COL7A1: variants seen among roughly 807,000 people sequenced by gnomAD.
COL7A1 encodes collagen alpha-1(VII) chain.
In COL7A1, 296 loss-of-function variants were observed where a neutral mutation model predicts 456.2. The observed-to-expected ratio is 0.65, with a 90% CI of 0.59 to 0.71. The LOEUF is 0.71. Among genes scored for constraint, COL7A1 ranks in the 30% least tolerant of loss-of-function variants. COL7A1 has a pLI of 0.00. For synonymous variants in COL7A1, 1,464 were observed against 1,525.9 expected (o/e 0.96, Z 0.95); for missense variants, 3,441 against 4,017.2 (o/e 0.86, Z 3.88).
In COL7A1 at chr3:48,579,252, T is replaced by G; in HGVS notation, c.5333A>C (p.Asp1778Ala). 1 of 1,613,906 alleles carries G rather than the reference T, an allele frequency of 6.2e-7. No homozygotes were observed. The highest frequency in any genetic ancestry group is 1.6e-4 in the Middle Eastern group (1 of 6,062). Reference protein sequence around the residue: ...EKGDRGPPGLDGRSGLDGKPG... With the variant: ...EKGDRGPPGLAGRSGLDGKPG... ...TTTCCCATCCAGTCCGCTCCGGCCA[T>G]CCAGCCCAGGGGGACCCCGGTCACC... The change falls in exon 62 of 119, where the codon GAT (aspartate) becomes GCT (alanine). Residue 1778 changes from aspartate to alanine, a missense_variant. Physicochemically the swap from Asp to Ala is moderately radical, Grantham distance 126 (BLOSUM62 -2). Transcript: ENST00000681320. This position sits in a 1 kb window ranked among gnomAD's most constrained non-coding sequence, Gnocchi z 4.4.
Position 48,594,587 on chromosome 3 carries a change from G to A in COL7A1, c.86-39C>T, listed in dbSNP as rs186298922. Reference sequence around the variant, plus strand: ...GAGAGATCAGGGCCTCTTCTGGGAGGCCAACCACCCGCCTACCCGCACGGT... The same window carrying A: ...GAGAGATCAGGGCCTCTTCTGGGAGACCAACCACCCGCCTACCCGCACGGT... On this transcript the variant is annotated intron_variant, in intron 2 of 118. Transcript: ENST00000681320. The surrounding 1 kb of genome is among the most constrained non-coding windows in gnomAD (Gnocchi z 5.5). 1.3e-5 allele frequency: 20 copies of A among 1,544,286 alleles called. No individual in the cohort carries two copies. The African/African-American group carries it at 2.5e-4, about 19-fold the overall frequency.
rs923284415 is a variant in COL7A1 at position 48,595,084 on chromosome 3, T to C, written c.76A>G (p.Arg26Gly). ...CCCTTGCGGTGCCCACCTCTCTCCC[T>C]GTGCTGGGCTCGCACTCGGGGCGCC... ...AEAPRVRAQH[R>G]ERVTCTRLYA... Residue 26 changes from arginine to glycine, a missense_variant, in exon 2 of 119, where the codon AGG (arginine) becomes GGG (glycine). Around this residue, in one of 3 missense-constraint regions of COL7A1, gnomAD observed 913 missense variants for 1,088.2 expected, o/e 0.84. Transcript: ENST00000681320. 1.3e-6 allele frequency: 2 copies of C among 1,551,184 alleles called. No homozygotes were observed. Among genetic ancestry groups the C allele is most frequent in the Non-Finnish European group, 1.7e-6 (2 of 1,147,568 alleles).
rs1333721270 is a variant in COL7A1 at position 48,574,948 on chromosome 3, G to A, written c.6280-83C>T. ...ATCACAGATCTCAGGATCACAGAGG[G>A]TTATAGGGTCAGAAATTCCAGGGTT... On this transcript the variant is annotated intron_variant, in intron 76 of 118. Transcript: ENST00000681320. This position sits in a 1 kb window ranked among gnomAD's most constrained non-coding sequence, Gnocchi z 5.0. The A allele has an allele frequency of 1.1e-5, 17 of 1,584,700 alleles. No homozygotes were observed. Among genetic ancestry groups the A allele is most frequent in the Admixed American group, 1.7e-5 (1 of 58,676 alleles).
Position 48,574,103 on chromosome 3 carries a change from G to GCACACACAGA in COL7A1, c.6501+149_6501+158dup, listed in dbSNP as rs957000105. On this transcript the variant is annotated intron_variant, in intron 80 of 118. Coordinates refer to ENST00000681320, the MANE Select transcript of COL7A1 (RefSeq NM_000094.4). The surrounding 1 kb of genome is among the most constrained non-coding windows in gnomAD (Gnocchi z 5.0). ...CACACACAGACACAGGCACACACAG[G>GCACACACAGA]CACACACAGACACAGGCACACACAA... is the stretch of plus-strand genomic sequence containing the variant. Among the ~76,000 whole-genome samples the GCACACACAGA allele has an allele frequency of 6.6e-6, 1 of 150,934 alleles. No individual in the cohort carries two copies. The highest frequency in any genetic ancestry group is 6.6e-5 in the Admixed American group (1 of 15,154).
In COL7A1 at chr3:48,571,248, A is replaced by C; in HGVS notation, c.7099T>G (p.Phe2367Val). The C allele has an allele frequency of 6.2e-7, 1 of 1,614,128 alleles. No homozygotes were observed. The highest frequency in any genetic ancestry group is 1.7e-5 in the Admixed American group (1 of 60,022). ...ACCCTTCTGGGTACACATACCTTGA[A>C]ACCTTTGGGTCCTGGAGCCCCTTTC... is the stretch of plus-strand genomic sequence containing the variant. ...GQKGAPGPKG[F>V]KGDPGVGVPG... The change falls in exon 93 of 119, where the codon TTC becomes GTC. Residue 2367 changes from phenylalanine to valine, a missense_variant. Physicochemically the swap from Phe to Val is conservative, Grantham distance 50 (BLOSUM62 -1). This residue lies in a region of COL7A1 where 2,084 missense variants were observed against 2,501.3 expected (regional missense o/e 0.83). Coordinates refer to ENST00000681320, the MANE Select transcript of COL7A1 (RefSeq NM_000094.4). The surrounding 1 kb of genome is among the most constrained non-coding windows in gnomAD (Gnocchi z 4.6).
chr3:48,588,118 C>G lies in COL7A1; in HGVS notation c.2710+164G>C, dbSNP rs2045414624. Among the ~76,000 whole-genome samples, 2 of 152,176 alleles carry G rather than the reference C, an allele frequency of 1.3e-5. No individual in the cohort carries two copies. Among genetic ancestry groups the G allele is most frequent in the Admixed American group, 6.5e-5 (1 of 15,288 alleles). ...CTGCCAGACTGACCCTCCATGAACT[C>G]ATTGATCCCACCCACTTCATTGATT... On this transcript the variant is annotated intron_variant, in intron 21 of 118. Transcript: ENST00000681320. This position sits in a 1 kb window ranked among gnomAD's most constrained non-coding sequence, Gnocchi z 4.6.
chr3:48,578,908 C>T lies in COL7A1; in HGVS notation c.5424+11G>A. ...CGAGCCCCCTCTGTCCCAGCATCTC[C>T]CCTCACTTACGTCTCTCCCTGGGTC... On this transcript the variant is annotated intron_variant, in intron 63 of 118. Transcript: ENST00000681320. The surrounding 1 kb of genome is among the most constrained non-coding windows in gnomAD (Gnocchi z 4.7). The T allele has an allele frequency of 6.2e-7, 1 of 1,613,540 alleles. No individual in the cohort carries two copies. Among genetic ancestry groups the T allele is most frequent in the Non-Finnish European group, 8.5e-7 (1 of 1,179,798 alleles).
Position 48,573,621 on chromosome 3 carries a change from A to T in COL7A1, c.6574-64T>A. On this transcript the variant is annotated intron_variant, in intron 82 of 118. Transcript: ENST00000681320. This position sits in a 1 kb window ranked among gnomAD's most constrained non-coding sequence, Gnocchi z 5.5. ...GATTAACACAGAGAAGGCCTGGCTC[A>T]TCAGCTGTGGCCAATGCCTATCCCA... 6.2e-7 allele frequency: 1 copy of T among 1,613,562 alleles called. No individual in the cohort carries two copies. The highest frequency in any genetic ancestry group is 8.5e-7 in the Non-Finnish European group (1 of 1,179,668).
In COL7A1 at chr3:48,590,417, C is replaced by G; in HGVS notation, c.1906+42G>C. ...CTGTCCCCTCTGGCACCCATACCCT[C>G]ATTGGTCCCTTTGGCAGTCCCCCCA... On this transcript the variant is annotated intron_variant, in intron 15 of 118. Transcript: ENST00000681320. This position sits in a 1 kb window ranked among gnomAD's most constrained non-coding sequence, Gnocchi z 4.6. The G allele has an allele frequency of 6.2e-7, 1 of 1,614,126 alleles. No homozygotes were observed. Among genetic ancestry groups the G allele is most frequent in the Non-Finnish European group, 8.5e-7 (1 of 1,180,016 alleles).
At position 48,579,916 on chromosome 3, in the gene COL7A1, T is replaced by C. The variant is rs1034182957; in HGVS notation, c.5125-102A>G. ...AGGGGCTCCAGGGATCCGCGGAGGT[T>C]TCAGAGGGACAGTGGGGGAAGTGGG... is the stretch of plus-strand genomic sequence containing the variant. On this transcript the variant is annotated intron_variant, in intron 57 of 118. Transcript: ENST00000681320. This position sits in a 1 kb window ranked among gnomAD's most constrained non-coding sequence, Gnocchi z 4.4. 2 of 1,607,944 alleles carry C rather than the reference T, an allele frequency of 1.2e-6. No individual in the cohort carries two copies. The highest frequency in any genetic ancestry group is 8.5e-7 in the Non-Finnish European group (1 of 1,174,712).
Position 48,592,565 on chromosome 3 carries a change from C to G in COL7A1, c.976+5G>C. On this transcript the variant is annotated splice_donor_5th_base_variant and intron_variant, in intron 8 of 118. Coordinates refer to ENST00000681320, the MANE Select transcript of COL7A1 (RefSeq NM_000094.4). This position sits in a 1 kb window ranked among gnomAD's most constrained non-coding sequence, Gnocchi z 7.6. ...ATGGGGTCAGAGGCTGGCAGAATTG[C>G]TCACTGGTCCGAGCTGTCCCGCTCA... 2 of 1,613,894 alleles carry G rather than the reference C, an allele frequency of 1.2e-6. No individual in the cohort carries two copies.
chr3:48,564,445 GGTC>G lies in COL7A1; in HGVS notation c.8819-26_8819-24del. ...TACCTGGTGAGGACAGGTTGGAAAC[GGTC>G]GTCAGCCATCTGACCTTCCCCGGAG... On this transcript the variant is annotated intron_variant, in intron 118 of 118. Transcript: ENST00000681320. The surrounding 1 kb of genome is among the most constrained non-coding windows in gnomAD (Gnocchi z 6.0). 1 of 1,613,796 alleles carries G rather than the reference GGTC, an allele frequency of 6.2e-7. No individual in the cohort carries two copies. Among genetic ancestry groups the G allele is most frequent in the Admixed American group, 1.7e-5 (1 of 60,014 alleles).
chr3:48,575,357 T>C lies in COL7A1; in HGVS notation c.6162A>G (p.Ala2054=). Residue 2054 remains alanine (A), a synonymous_variant, in exon 74 of 119, where the codon GCA becomes GCG. Coordinates refer to ENST00000681320, the MANE Select transcript of COL7A1 (RefSeq NM_000094.4). This position sits in a 1 kb window ranked among gnomAD's most constrained non-coding sequence, Gnocchi z 6.3. ...LPGRAGGVGE[A]GRPGERGERG... is the part of the protein sequence containing the mutation. ...GCCTCACCCTCTCTCCTGGCCTTCC[T>C]GCCTCTCCCACACCCCCAGCCCTGC... 7.1e-7 allele frequency: 1 copy of C among 1,415,886 alleles called. No homozygotes were observed. Among genetic ancestry groups the C allele is most frequent in the Non-Finnish European group, 9.5e-7 (1 of 1,055,782 alleles). The allele number at this position is 1,415,886 out of a possible 1,614,324, so 87.7% of individuals were successfully genotyped here.
At position 48,591,947 on chromosome 3, in the gene COL7A1, G is replaced by A. The variant is rs2107789972; in HGVS notation, c.1308C>T (p.Asn436=). Residue 436 remains asparagine (N), a synonymous_variant, in exon 11 of 119, where the codon AAC becomes AAT. Transcript: ENST00000681320. This position sits in a 1 kb window ranked among gnomAD's most constrained non-coding sequence, Gnocchi z 7.0. ...GGTAGCCACGGGCCTCAGGCACCAA[G>A]TTCCAGGAAAGGAGGATGGATGTGG... is the stretch of plus-strand genomic sequence containing the variant. ...LGPTSILLSW[N]LVPEARGYRL... 1 of 1,614,222 alleles carries A rather than the reference G, an allele frequency of 6.2e-7. No homozygotes were observed. The highest frequency in any genetic ancestry group is 2.2e-5 in the East Asian group (1 of 44,882).
Position 48,587,603 on chromosome 3 carries a change from C to A in COL7A1, c.2858-49G>T, listed in dbSNP as rs1442705129. 1 of 1,612,884 alleles carries A rather than the reference C, an allele frequency of 6.2e-7. No individual in the cohort carries two copies. The highest frequency in any genetic ancestry group is 8.5e-7 in the Non-Finnish European group (1 of 1,179,792). ...GGATCAGAGGCTGAGTCCTGAGAAC[C>A]CAGAAGGGAGAGATCTGAGATCCTG... is the stretch of plus-strand genomic sequence containing the variant. On this transcript the variant is annotated intron_variant, in intron 22 of 118. Coordinates refer to ENST00000681320, the MANE Select transcript of COL7A1 (RefSeq NM_000094.4). This position sits in a 1 kb window ranked among gnomAD's most constrained non-coding sequence, Gnocchi z 6.1.
Position 48,575,076 on chromosome 3 carries a change from G to A in COL7A1, c.6267C>T (p.Pro2089=). Residue 2089 remains proline (P), a synonymous_variant, in exon 76 of 119, where the codon CCC becomes CCT. Coordinates refer to ENST00000681320, the MANE Select transcript of COL7A1 (RefSeq NM_000094.4). The surrounding 1 kb of genome is among the most constrained non-coding windows in gnomAD (Gnocchi z 6.3). ...ATGGGGTGATCACCTTGGGGCCAGG[G>A]GGTCCGGGGGGCCCAGGGGTTCCAG... is the stretch of plus-strand genomic sequence containing the variant. ...GLPGTPGPPG[P]PGPKVSVDEP... The A allele has an allele frequency of 6.2e-7, 1 of 1,613,578 alleles. No homozygotes were observed. The highest frequency in any genetic ancestry group is 8.5e-7 in the Non-Finnish European group (1 of 1,179,680).
Position 48,571,908 on chromosome 3 carries a change from G to GCACA in COL7A1, c.7068+92_7068+93insTGTG. The GCACA allele has an allele frequency of 6.8e-7, 1 of 1,473,324 alleles. No homozygotes were observed. Among genetic ancestry groups the GCACA allele is most frequent in the Non-Finnish European group, 9.3e-7 (1 of 1,071,802 alleles). 91.3% of individuals were successfully genotyped at this position (1,473,324 alleles called of 1,614,324 possible). A position where few individuals can be genotyped will look rare whatever the true frequency, so the allele number is the denominator to read the frequency against. ...TTGGGACATGCAGCCCGACTCAGGGGCTCAGACATGTGCCCCGGCCCAAGA... is the reference window on the plus strand; with the variant it reads ...TTGGGACATGCAGCCCGACTCAGGGGCACACTCAGACATGTGCCCCGGCCCAAGA... On this transcript the variant is annotated intron_variant, in intron 92 of 118. Coordinates refer to ENST00000681320, the MANE Select transcript of COL7A1 (RefSeq NM_000094.4). This position sits in a 1 kb window ranked among gnomAD's most constrained non-coding sequence, Gnocchi z 4.6.
At position 48,591,909 on chromosome 3, in the gene COL7A1, C is replaced by A. The variant is rs764504901; in HGVS notation, c.1346G>T (p.Arg449Leu). 1 of 1,614,186 alleles carries A rather than the reference C, an allele frequency of 6.2e-7. No homozygotes were observed. Among genetic ancestry groups the A allele is most frequent in the South Asian group, 1.1e-5 (1 of 91,082 alleles). ...PEARGYRLEWRRETGLEPPQK... is the reference protein window; with the variant it reads ...PEARGYRLEWLRETGLEPPQK... ...TCCCCCGCACTGACCAGTCTCACGC[C>A]GCCATTCCAACCGGTAGCCACGGGC... The change falls in exon 11 of 119, where the codon CGG (arginine) becomes CTG (leucine). Residue 449 changes from arginine (R) to leucine (L), a missense_variant. Coordinates refer to ENST00000681320, the MANE Select transcript of COL7A1 (RefSeq NM_000094.4). This position sits in a 1 kb window ranked among gnomAD's most constrained non-coding sequence, Gnocchi z 7.0.
At position 48,592,918 on chromosome 3, in the gene COL7A1, G is replaced by A. The variant is rs1490839228; in HGVS notation, c.703C>T (p.Pro235Ser). The A allele has an allele frequency of 1.9e-6, 3 of 1,613,874 alleles. No homozygotes were observed. In the African/African-American group the frequency reaches 4.0e-5, roughly 22 times the overall value. The change falls in exon 7 of 119, where the codon CCA (proline) becomes TCA (serine). Residue 235 changes from proline (P) to serine (S), a missense_variant. Around this residue, in one of 3 missense-constraint regions of COL7A1, gnomAD observed 913 missense variants for 1,088.2 expected, o/e 0.84. Coordinates refer to ENST00000681320, the MANE Select transcript of COL7A1 (RefSeq NM_000094.4). The surrounding 1 kb of genome is among the most constrained non-coding windows in gnomAD (Gnocchi z 7.6). ...TRPPDDSTSA[P>S]RDLVLSEPSS... The stretch of plus-strand genomic sequence containing the variant: ...GGCTCAGACAGCACCAGGTCTCGTG[G>A]AGCAGAGGTCGAGTCATCCGCTGGG...
Sources: gnomAD v4.1 joint callset for allele counts (sites outside exome capture counted in the v4.1 genomes callset) on GRCh38, gnomAD v4.1.1 for gene constraint, gnomAD v4.1.1 regional missense constraint, Gnocchi (gnomAD v3.1) non-coding constraint, MANE v1.5 for transcripts, NCBI Gene and HGNC (gene_info 2026-07-23, HGNC 2026-07-21) for gene names.